CACNA1E: variants seen among roughly 807,000 people sequenced by gnomAD.
CACNA1E encodes the protein calcium voltage-gated channel subunit alpha1 E.
CACNA1E carries 40 observed loss-of-function variants against 259.2 expected under a neutral mutation model. The ratio of observed to expected loss-of-function variants is 0.15; its 90% CI spans 0.12 to 0.20. The LOEUF is 0.20. CACNA1E is among the 10% of genes least tolerant of loss of function. The pLI is 1.00. For missense variants in CACNA1E, 1,874 were observed against 3,040.1 expected (o/e 0.62, Z 9.02); for synonymous variants, 1,104 against 1,138.5 (o/e 0.97, Z 0.61).
At chr1:181,468,811 G>A (rs1662314424) in intron 2 of CACNA1E, among the ~76,000 whole-genome samples, 1 of 152,160 alleles carries the variant, frequency 6.6e-6, no homozygotes, top group Non-Finnish European at 1.5e-5. Context: ...GAAAGAAAAT[G>A]AGAAATGATA....
chr1:181,333,577 C>T (rs1428343640), intron 1 of CACNA1E, among the ~76,000 whole-genome samples: 1 of 152,198 alleles, frequency 6.6e-6, no homozygotes, highest in Non-Finnish European at 1.5e-5. Flanking sequence ...AGTTTGCTAG[C>T]TCCTGCTGAG....
chr1:181,691,674 T>C (rs1239374448), intron 7 of CACNA1E, among the ~76,000 whole-genome samples: 1 of 151,974 alleles, frequency 6.6e-6, no homozygotes, highest in African/African-American at 2.4e-5. Context: ...TACCTCAAAA[T>C]AATAAGAGCC....
intron 3 of CACNA1E, among the ~76,000 whole-genome samples, chr1:181,565,774 C>T (rs1297821840): frequency 1.8e-4 from 27 of 152,122 alleles, no homozygotes; most frequent in Admixed American, 1.8e-3. Context: ...GTAACAAGGC[C>T]ACTTTTGGGG....
At chr1:181,677,639 A>G (rs1309477812) in intron 7 of CACNA1E, among the ~76,000 whole-genome samples, 2 of 152,206 alleles carry the variant, frequency 1.3e-5, no homozygotes, top group Non-Finnish European at 2.9e-5. Flanking sequence ...ATTTCCTCCC[A>G]CAGAAAGCTG....
chr1:181,435,345 A>G (rs182632643), intron 2 of CACNA1E, among the ~76,000 whole-genome samples: 79 of 152,352 alleles, frequency 5.2e-4, no homozygotes, highest in African/African-American at 1.8e-3. Context: ...AAGTGAAATT[A>G]CTACAGAAAA....
At chr1:181,400,304 CTTT>C (rs776321968) in intron 1 of CACNA1E, among the ~76,000 whole-genome samples, 1 of 152,136 alleles carries the variant, frequency 6.6e-6, no homozygotes, top group Non-Finnish European at 1.5e-5. Context: ...ATTTATCATT[CTTT>C]TGATTATATA....
intron 1 of CACNA1E, among the ~76,000 whole-genome samples, chr1:181,490,034 C>T (rs1305918242): frequency 6.6e-6 from 1 of 152,158 alleles, no homozygotes; most frequent in African/African-American, 2.4e-5. Flanking sequence ...TTTTTAGACT[C>T]CCCCAACCTC....
At chr1:181,603,584 G>A (rs1391482342) in intron 6 of CACNA1E, among the ~76,000 whole-genome samples, 2 of 145,224 alleles carry the variant, frequency 1.4e-5, no homozygotes, top group East Asian at 3.9e-4. Flanking sequence ...CCCCAACACT[G>A]CACCTACCCG....
intron 6 of CACNA1E, among the ~76,000 whole-genome samples, chr1:181,600,699 G>A (rs1164352886): frequency 6.6e-6 from 1 of 152,174 alleles, no homozygotes; most frequent in Non-Finnish European, 1.5e-5. Flanking sequence ...CAAGAGTTGA[G>A]CTGGAGGCAT....
chr1:181,703,600 A>G (rs1444676781), intron 7 of CACNA1E, among the ~76,000 whole-genome samples: 2 of 152,200 alleles, frequency 1.3e-5, no homozygotes, highest in African/African-American at 2.4e-5. Context: ...AGATCTCAAT[A>G]TTGAGAAGAG....
chr1:181,515,754 A>G (rs1302791527), intron 3 of CACNA1E, among the ~76,000 whole-genome samples: 1 of 152,204 alleles, frequency 6.6e-6, no homozygotes, highest in East Asian at 1.9e-4. Context: ...GGGTACTCCT[A>G]AATCATGGGT....
intron 1 of CACNA1E, among the ~76,000 whole-genome samples, chr1:181,375,382 C>T (rs530259039): frequency 8.6e-4 from 131 of 152,278 alleles, no homozygotes; most frequent in Non-Finnish European, 1.6e-3. Flanking sequence ...CCAACAGATT[C>T]ATATGTTGAA....
chr1:181,610,958 G>A (rs887220661), intron 6 of CACNA1E, among the ~76,000 whole-genome samples: 2 of 151,708 alleles, frequency 1.3e-5, no homozygotes, highest in Non-Finnish European at 2.9e-5. Context: ...TTTTTCTTAA[G>A]ATGGGGAAAC....
chr1:181,552,534 T>C (rs545659373), intron 3 of CACNA1E, among the ~76,000 whole-genome samples: 81 of 152,208 alleles, frequency 5.3e-4, no homozygotes, highest in African/African-American at 1.9e-3. Context: ...CATTCCATTG[T>C]ATGGATGTGC....
chr1:181,420,562 C>T (rs1165083799), intron 2 of CACNA1E, among the ~76,000 whole-genome samples: 2 of 152,146 alleles, frequency 1.3e-5, no homozygotes, highest in East Asian at 1.9e-4. Context: ...TTATAATTTA[C>T]AGGAGAGAAA....
chr1:181,590,401 C>CAAA (rs397861970), intron 6 of CACNA1E, among the ~76,000 whole-genome samples: 2 of 118,634 alleles, frequency 1.7e-5, no homozygotes, highest in African/African-American at 6.5e-5. Flanking sequence ...GAGTCAATTA[C>CAAA]AAAAAAAAAA....
chr1:181,355,173 G>A (rs1239344731), intron 1 of CACNA1E, among the ~76,000 whole-genome samples: 2 of 152,204 alleles, frequency 1.3e-5, no homozygotes, highest in African/African-American at 4.8e-5. Flanking sequence ...TGGTCCCACC[G>A]TGAACTAATT....
intron 1 of CACNA1E, among the ~76,000 whole-genome samples, chr1:181,354,389 ACTT>A (rs1170887273): frequency 6.6e-6 from 1 of 152,178 alleles, no homozygotes; most frequent in African/African-American, 2.4e-5. Flanking sequence ...GGCAGGAAGG[ACTT>A]GCTCTTTTAA....
chr1:181,567,375 A>C (rs553388020), intron 3 of CACNA1E, among the ~76,000 whole-genome samples: 33 of 152,312 alleles, frequency 2.2e-4, no homozygotes, highest in African/African-American at 7.2e-4. Context: ...GTCTTAGAAG[A>C]AAGTCTGTGC....
Sources: allele counts gnomAD v4.1 joint callset (sites outside exome capture counted in the v4.1 genomes callset), GRCh38; gene constraint gnomAD v4.1.1; transcripts MANE v1.5; gene names NCBI Gene and HGNC (gene_info 2026-07-23, HGNC 2026-07-21).